The following DCDC1 variants were observed in gnomAD, a reference collection of about 807,000 sequenced individuals.
DCDC1 encodes the protein doublecortin domain containing 1, also known as doublecortin domain-containing protein 1.
Under a neutral mutation model 178.3 loss-of-function variants are expected in DCDC1, and 200 were observed. The observed-to-expected ratio is 1.12, with a 90% CI of 1.00 to 1.26. DCDC1 has a LOEUF of 1.26. DCDC1 is among the 50% of genes most tolerant of loss of function. The probability of loss-of-function intolerance (pLI) is 0.00; values close to 1 mark genes in which losing one functional copy is unlikely to be tolerated. For synonymous variants in DCDC1, 690 were observed against 604.8 expected, an observed-to-expected ratio of 1.14 and a Z score of -2.07; for missense variants, 1,983 against 1,749.2, an observed-to-expected ratio of 1.13 and a Z score of -2.38.
intron 9 of DCDC1, among the ~76,000 whole-genome samples, chr11:31,179,905 C>T (rs1377846287): frequency 2.0e-5 from 3 of 152,092 alleles, no homozygotes; most frequent in Non-Finnish European, 4.4e-5. Context: ...ATTAGCAAGC[C>T]AAATCCAACA....
intron 18 of DCDC1, among the ~76,000 whole-genome samples, chr11:31,066,012 A>AG (rs1213738049): frequency 1.3e-5 from 2 of 152,106 alleles, no homozygotes; most frequent in African/African-American, 2.4e-5. Context: ...TGTAGCATAA[A>AG]GGGGGGGATA....
At chr11:31,068,329 T>C (rs1410645841) in intron 18 of DCDC1, among the ~76,000 whole-genome samples, 1 of 152,192 alleles carries the variant, frequency 6.6e-6, no homozygotes, top group East Asian at 1.9e-4. Flanking sequence ...AATTGGAATA[T>C]CTATCACCAT....
chr11:31,257,298 T>C (rs1199172299), intron 8 of DCDC1, among the ~76,000 whole-genome samples: 2 of 152,222 alleles, frequency 1.3e-5, no homozygotes, highest in Admixed American at 6.5e-5. Context: ...GGCTTGTTGA[T>C]AAACTTTTAA....
At chr11:30,914,649 AAAAAG>A (rs1202262989) in intron 27 of DCDC1, among the ~76,000 whole-genome samples, 1 of 151,366 alleles carries the variant, frequency 6.6e-6, no homozygotes, top group South Asian at 2.1e-4. Flanking sequence ...AAAAAAAAAA[AAAAAG>A]AGAGAGAGAG....
chr11:31,160,842 C>T (rs1441329983), intron 9 of DCDC1, among the ~76,000 whole-genome samples: 1 of 152,122 alleles, frequency 6.6e-6, no homozygotes, highest in African/African-American at 2.4e-5. Flanking sequence ...TTTCCTTATG[C>T]TCTTGAATTA....
At chr11:30,937,932 C>T (rs1249023167) in intron 21 of DCDC1, among the ~76,000 whole-genome samples, 1 of 152,108 alleles carries the variant, frequency 6.6e-6, no homozygotes, top group Non-Finnish European at 1.5e-5. Context: ...ACCCACTACT[C>T]CTCAAGCAGC....
intron 8 of DCDC1, among the ~76,000 whole-genome samples, chr11:31,244,351 CATAA>C (rs1441850476): frequency 6.6e-6 from 1 of 151,706 alleles, no homozygotes; most frequent in Admixed American, 6.6e-5. Flanking sequence ...AATCATAGCT[CATAA>C]GTGCTCTTAA....
rs1043674916 is a variant in DCDC1, at chr11:31,307,965, C to T, written c.165-57G>A. Reference sequence around the variant, plus strand: ...TAATTGATTTGTAATCATTTATTAACAAATACCATATAATAACGAGTTGTG... The same window carrying T: ...TAATTGATTTGTAATCATTTATTAATAAATACCATATAATAACGAGTTGTG... On this transcript the variant is annotated intron_variant, in intron 3 of 38. Coordinates refer to ENST00000684477, the MANE Select transcript of DCDC1 (RefSeq NM_001387274.1). 3.1e-6 allele frequency: 5 copies of T among 1,595,508 alleles called. No individual in the cohort carries two copies. The Admixed American group carries it at 8.5e-5, about 27-fold the overall frequency.
rs561874511 is a variant in DCDC1 at position 31,044,635 on chromosome 11, T to C, written c.2591+19834A>G. 5.9e-5 allele frequency among the ~76,000 whole-genome samples: 9 copies of C among 152,236 alleles called. No individual in the cohort carries two copies. In the South Asian group the frequency reaches 1.2e-3, roughly 21 times the overall value. ...CAAAAAAAAGGGGACATCTGTCTTA[T>C]AACTACGAACAATTGAATTTGACCA... is the stretch of plus-strand genomic sequence containing the variant. On this transcript the variant is annotated intron_variant, in intron 20 of 38. Coordinates refer to ENST00000684477, the MANE Select transcript of DCDC1 (RefSeq NM_001387274.1).
intron 9 of DCDC1, among the ~76,000 whole-genome samples, chr11:31,183,311 G>A (rs1441018388): frequency 2.6e-5 from 4 of 152,036 alleles, no homozygotes; most frequent in South Asian, 4.1e-4. Context: ...TCAGCACCAC[G>A]TGACACTTAT....
chr11:31,239,238 T>A (rs1428982866), intron 9 of DCDC1, among the ~76,000 whole-genome samples: 1 of 152,004 alleles, frequency 6.6e-6, no homozygotes, highest in African/African-American at 2.4e-5. Flanking sequence ...TATATAAAAC[T>A]AAATAGAAAA....
At chr11:30,879,515 G>A in intron 37 of DCDC1, among the ~76,000 whole-genome samples, 1 of 152,134 alleles carries the variant, frequency 6.6e-6, no homozygotes, top group Non-Finnish European at 1.5e-5. Context: ...AAAGAACTGA[G>A]ACAATAGGAG....
intron 20 of DCDC1, among the ~76,000 whole-genome samples, chr11:31,013,431 C>A (rs1952290257): frequency 6.6e-6 from 1 of 152,272 alleles, no homozygotes; most frequent in East Asian, 1.9e-4. Flanking sequence ...TCTACACATG[C>A]ATAATAAGTG....
At chr11:30,980,827 A>G (rs562815959) in intron 20 of DCDC1, among the ~76,000 whole-genome samples, 1 of 152,262 alleles carries the variant, frequency 6.6e-6, no homozygotes, top group South Asian at 2.1e-4. Context: ...AAATAGAACT[A>G]CCATTTGACC....
At chr11:31,072,493 C>CACTTATGAAGATGT (rs555691654) in intron 18 of DCDC1, among the ~76,000 whole-genome samples, 1 of 152,016 alleles carries the variant, frequency 6.6e-6, no homozygotes, top group Non-Finnish European at 1.5e-5. Flanking sequence ...TTTGTTTGCA[C>CACTTATGAAGATGT]ACTTATGAAG....
intron 9 of DCDC1, among the ~76,000 whole-genome samples, chr11:31,162,450 A>C (rs914360954): frequency 1.3e-5 from 2 of 152,150 alleles, no homozygotes; most frequent in African/African-American, 4.8e-5. Flanking sequence ...ATTTGCAGAC[A>C]CCTATAGTTT....
chr11:31,170,986 G>A (rs1030390518), intron 9 of DCDC1, among the ~76,000 whole-genome samples: 1 of 152,020 alleles, frequency 6.6e-6, no homozygotes, highest in African/African-American at 2.4e-5. Context: ...GAGCCACCAT[G>A]CCAGGCTAAT....
chr11:30,969,002 T>G (rs757577475), intron 20 of DCDC1, among the ~76,000 whole-genome samples: 4 of 151,978 alleles, frequency 2.6e-5, no homozygotes, highest in Admixed American at 6.6e-5. Context: ...TTCTCAAAAT[T>G]AAGTACTGAA....
At chr11:31,210,044 T>C (rs1253555579) in intron 9 of DCDC1, among the ~76,000 whole-genome samples, 1 of 152,318 alleles carries the variant, frequency 6.6e-6, no homozygotes, top group East Asian at 1.9e-4. Flanking sequence ...TACCAGTGTC[T>C]GCTACATGGG....
Sources: gnomAD v4.1 joint callset for allele counts (sites outside exome capture counted in the v4.1 genomes callset) on GRCh38, gnomAD v4.1.1 for gene constraint, MANE v1.5 for transcripts, NCBI Gene and HGNC (gene_info 2026-07-23, HGNC 2026-07-21) for gene names.